FGGY: variants seen among roughly 807,000 people sequenced by gnomAD.
FGGY encodes the protein FGGY carbohydrate kinase domain-containing protein.
In FGGY, 72 loss-of-function variants were observed where a neutral mutation model predicts 71.3. The ratio of observed to expected loss-of-function variants is 1.01; its 90% CI spans 0.84 to 1.23. The LOEUF (loss-of-function observed/expected upper bound fraction) is 1.23. FGGY is among the 50% of genes most tolerant of loss of function. The pLI is 0.00. For synonymous variants in FGGY, 251 were observed against 250.3 expected (o/e 1.00, Z -0.02); for missense variants, 668 against 682.3 (o/e 0.98, Z 0.23).
chr1:59,661,881 AG>A (rs2097277943), intron 12 of FGGY, among the ~76,000 whole-genome samples: 1 of 150,842 alleles, frequency 6.6e-6, no homozygotes, highest in African/African-American at 2.4e-5. Flanking sequence ...CACCATGCCC[AG>A]CTGATTTTTT....
chr1:59,595,210 A>G (rs532409203), intron 8 of FGGY, among the ~76,000 whole-genome samples: 1 of 152,348 alleles, frequency 6.6e-6, no homozygotes, highest in South Asian at 2.1e-4. Flanking sequence ...ATGGTAGATT[A>G]TCATGAAAAT....
intron 11 of FGGY, among the ~76,000 whole-genome samples, chr1:59,646,508 A>G (rs1196010987): frequency 6.7e-6 from 1 of 149,760 alleles, no homozygotes; most frequent in Non-Finnish European, 1.5e-5. Context: ...TTTTATTTGT[A>G]TATTTATATA....
chr1:59,418,707 A>AT (rs979330308), intron 5 of FGGY, among the ~76,000 whole-genome samples: 5 of 151,798 alleles, frequency 3.3e-5, no homozygotes, highest in Non-Finnish European at 5.9e-5. Context: ...CAGTTTTTTG[A>AT]TTTTTTCTTT....
chr1:59,403,247 C>T (rs189299136), intron 5 of FGGY, among the ~76,000 whole-genome samples: 1 of 152,160 alleles, frequency 6.6e-6, no homozygotes, highest in East Asian at 1.9e-4. Flanking sequence ...TAAATCATAC[C>T]AGAGAAGGTA....
chr1:59,728,569 T>G (rs868479559), intron 14 of FGGY, among the ~76,000 whole-genome samples: 4 of 152,214 alleles, frequency 2.6e-5, no homozygotes, highest in Middle Eastern at 6.8e-3. Context: ...CAACATTTTT[T>G]ATAATGTAGA....
chr1:59,568,465 G>A (rs866475933), intron 8 of FGGY, among the ~76,000 whole-genome samples: 4 of 90,422 alleles, frequency 4.4e-5, no homozygotes, highest in East Asian at 3.9e-4. Context: ...TCGGGGGGGC[G>A]GGGGGGGGTG....
At chr1:59,406,588 TA>T (rs2062795048) in intron 5 of FGGY, among the ~76,000 whole-genome samples, 1 of 152,202 alleles carries the variant, frequency 6.6e-6, no homozygotes, top group Admixed American at 6.5e-5. Flanking sequence ...GAGTTGTTTT[TA>T]AGCAAGAATA....
At chr1:59,318,838 T>A (rs749930374) in intron 1 of FGGY, 2 of 152,280 alleles carry the variant, frequency 1.3e-5, no homozygotes, top group Non-Finnish European at 2.9e-5. Context: ...CTAGGATCAG[T>A]GTTAAGGAGC....
At position 59,303,861 on chromosome 1, in the gene FGGY, C is replaced by T. The variant is rs564797139; in HGVS notation, c.-15+6711C>T. Among the ~76,000 whole-genome samples, 10 of 151,914 alleles carry T rather than the reference C, an allele frequency of 6.6e-5. No individual in the cohort carries two copies. In the South Asian group the frequency reaches 1.5e-3, roughly 22 times the overall value. ...GCTGATGATTAGTCATGGGTGAGCA[C>T]GTTTTCATATACCTATTAGGCATTT... On this transcript the variant is annotated intron_variant, in intron 1 of 15. Transcript: ENST00000303721.
intron 10 of FGGY, among the ~76,000 whole-genome samples, chr1:59,635,983 C>T (rs2096955003): frequency 6.6e-6 from 1 of 152,198 alleles, no homozygotes. Flanking sequence ...TGGTACCTCC[C>T]CAACTGGGCA....
intron 6 of FGGY, among the ~76,000 whole-genome samples, chr1:59,472,212 C>T (rs540717916): frequency 1.5e-3 from 221 of 152,336 alleles, no homozygotes; most frequent in Middle Eastern, 6.8e-3. Context: ...CGGCGGACCC[C>T]GCACTTGGAG....
chr1:59,754,150 T>C (rs944498470), intron 14 of FGGY, among the ~76,000 whole-genome samples: 1 of 152,220 alleles, frequency 6.6e-6, no homozygotes, highest in African/African-American at 2.4e-5. Context: ...GAAAAGTTAG[T>C]GGTGTAGGAA....
intron 2 of FGGY, among the ~76,000 whole-genome samples, chr1:59,338,918 T>G (rs2050128268): frequency 6.6e-6 from 1 of 152,184 alleles, no homozygotes. Flanking sequence ...GGTCCACTTC[T>G]GCATATATTG....
intron 5 of FGGY, among the ~76,000 whole-genome samples, chr1:59,426,440 C>T (rs2153452928): frequency 6.6e-6 from 1 of 152,290 alleles, no homozygotes; most frequent in South Asian, 2.1e-4. Flanking sequence ...AATGAAGTTG[C>T]TGACTGATGT....
chr1:59,324,615 T>C (rs2047053889), intron 2 of FGGY, among the ~76,000 whole-genome samples: 1 of 152,108 alleles, frequency 6.6e-6, no homozygotes, highest in South Asian at 2.1e-4. Context: ...GTTCTCTCTG[T>C]TTTGAAGATA....
intron 5 of FGGY, among the ~76,000 whole-genome samples, chr1:59,443,458 C>A (rs1456750977): frequency 6.6e-6 from 1 of 152,162 alleles, no homozygotes; most frequent in South Asian, 2.1e-4. Context: ...CACCCCCCAA[C>A]TAGTGGCTTT....
intron 8 of FGGY, among the ~76,000 whole-genome samples, chr1:59,585,307 G>T (rs1230864994): frequency 6.6e-6 from 1 of 152,120 alleles, no homozygotes; most frequent in African/African-American, 2.4e-5. Flanking sequence ...GCATGGTACT[G>T]GTACCAAAAC....
intron 5 of FGGY, among the ~76,000 whole-genome samples, chr1:59,390,953 C>T (rs1471449936): frequency 6.6e-6 from 1 of 152,174 alleles, no homozygotes; most frequent in Non-Finnish European, 1.5e-5. Flanking sequence ...GGCATTCTCT[C>T]CCTAATCCAG....
At chr1:59,577,439 A>C (rs986870675) in intron 8 of FGGY, among the ~76,000 whole-genome samples, 4 of 152,192 alleles carry the variant, frequency 2.6e-5, no homozygotes, top group African/African-American at 9.7e-5. Flanking sequence ...ATTCTGAATT[A>C]AGCCAAAATT....
Sources: allele counts gnomAD v4.1 joint callset (sites outside exome capture counted in the v4.1 genomes callset), GRCh38; gene constraint gnomAD v4.1.1; transcripts MANE v1.5; gene names NCBI Gene and HGNC (gene_info 2026-07-23, HGNC 2026-07-21).